The following IKBKG variants were observed in gnomAD, a reference collection of about 807,000 sequenced individuals.
IKBKG encodes inhibitor of nuclear factor kappa B kinase regulatory subunit gamma.
Under a neutral mutation model 13.7 loss-of-function variants are expected in IKBKG, and 2 were observed. The observed-to-expected ratio is 0.15, with a 90% CI of 0.06 to 0.46. The LOEUF is 0.46. Among genes scored for constraint, IKBKG ranks in the 20% least tolerant of loss-of-function variants. The pLI is 0.98. For synonymous variants in IKBKG, 22 were observed against 64.4 expected (o/e 0.34, Z 3.15); for missense variants, 53 against 150.3 (o/e 0.35, Z 3.39).
chrX:154,546,742 G>A (rs782318674), upstream of IKBKG: 8 of 1,018,847 alleles, frequency 7.9e-6, no homozygotes, highest in African/African-American at 1.9e-5. Context: ...GGCGCAGCGC[G>A]GGACAGTACG....
chrX:154,547,253 C>T, upstream of IKBKG: 9 of 681,204 alleles, frequency 1.3e-5, no homozygotes, highest in Non-Finnish European at 1.6e-5. Context: ...TGGGCTGTCC[C>T]TCGGCTCCTG....
upstream of IKBKG, chrX:154,547,208 C>G (rs2070764028): frequency 2.2e-6 from 1 of 464,885 alleles, no homozygotes; most frequent in Non-Finnish European, 2.7e-6. Context: ...TCGCGGAGGG[C>G]TCCACTTCCG....
At chrX:154,548,129 C>G (rs782334783) in intron 1 of IKBKG, 254 of 744,116 alleles carry the variant, frequency 3.4e-4, no homozygotes, top group Non-Finnish European at 3.9e-4. Flanking sequence ...TTTTGCAAGA[C>G]AACATCTGCC....
At position 154,542,121 on chromosome X, in the gene IKBKG, A is replaced by C. The variant is rs2070525901; in HGVS notation, c.-186-161A>C. On this transcript the variant is annotated intron_variant, in intron 1 of 10. Transcript: ENST00000422680. ...ACCGGGGCTTTGGGGGAGTGCCAAC[A>C]TCATCATGACACAGCAAGAATCTTA... is the stretch of plus-strand genomic sequence containing the variant. 3 of 432,218 alleles carry C rather than the reference A, an allele frequency of 6.9e-6. No individual in the cohort carries two copies. The Admixed American group carries it at 1.5e-4, about 22-fold the overall frequency. 35.6% of individuals were successfully genotyped at this position (432,218 alleles called of 1,213,427 possible).
At chrX:154,548,046 C>T (rs1022231577) in intron 1 of IKBKG, 13 of 753,635 alleles carry the variant, frequency 1.7e-5, no homozygotes, top group East Asian at 1.5e-4. Flanking sequence ...CTATCGAGGT[C>T]GTTAAATTCT....
intron 2 of IKBKG, among the ~76,000 whole-genome samples, chrX:154,552,911 G>A (rs2070973420): frequency 8.9e-6 from 1 of 111,926 alleles, no homozygotes; most frequent in South Asian, 3.7e-4. Flanking sequence ...CCCAGCCCCT[G>A]CCATTCTTCC....
chrX:154,550,505 A>G (rs920844945), intron 1 of IKBKG, among the ~76,000 whole-genome samples: 3 of 106,772 alleles, frequency 2.8e-5, no homozygotes, highest in Admixed American at 1.0e-4. Context: ...ATTGGAGTTC[A>G]AGGCATGAGA....
At chrX:154,542,425 C>T (rs1557232194), upstream of IKBKG, 3 of 1,195,145 alleles carry the variant, frequency 2.5e-6, no homozygotes, top group African/African-American at 3.5e-5. Context: ...CACTAGTCTA[C>T]AAGGCCAGAG....
At chrX:154,546,322 G>T, upstream of IKBKG, 1 of 666,337 alleles carries the variant, frequency 1.5e-6, no homozygotes, top group Non-Finnish European at 2.3e-6. Context: ...TGGTTGATGG[G>T]TTAGAAACTG....
intron 2 of IKBKG, among the ~76,000 whole-genome samples, chrX:154,553,448 C>T (rs1244346586): frequency 8.9e-6 from 1 of 112,798 alleles, no homozygotes; most frequent in Non-Finnish European, 1.9e-5. Flanking sequence ...CGATGTGTCT[C>T]CTCTTACTGT....
chrX:154,554,921 T>C (rs893682784), intron 2 of IKBKG, among the ~76,000 whole-genome samples: 16 of 111,057 alleles, frequency 1.4e-4, no homozygotes, highest in African/African-American at 5.2e-4. Context: ...GTAGTTGCTA[T>C]AGAGTTGCTA....
chrX:154,545,283 C>T (rs1557232929), upstream of IKBKG, among the ~76,000 whole-genome samples: 2 of 111,579 alleles, frequency 1.8e-5, no homozygotes, highest in East Asian at 2.8e-4. Context: ...GGTAGGCTTT[C>T]GAAATTGAGG....
At chrX:154,548,978 TTTTCTTTC>T (rs1283904729) in intron 1 of IKBKG, among the ~76,000 whole-genome samples, 2 of 108,857 alleles carry the variant, frequency 1.8e-5, no homozygotes, top group African/African-American at 3.4e-5. Context: ...TTTTATTTCT[TTTTCTTTC>T]TTTCTTTCTT....
At chrX:154,545,877 C>A, upstream of IKBKG, 5 of 597,752 alleles carry the variant, frequency 8.4e-6, no homozygotes, top group Non-Finnish European at 1.1e-5. Flanking sequence ...TGCATATGCA[C>A]ACCAGGTAGA....
chrX:154,541,264 A>G (rs782076960), exon 1 of IKBKG: 7 of 112,045 alleles, frequency 6.2e-5, no homozygotes, highest in Admixed American at 2.8e-4. Context: ...CCCACGCTCC[A>G]GGCCGTTTGT....
At chrX:154,543,869 AT>A (rs1306269568), upstream of IKBKG, among the ~76,000 whole-genome samples, 386 of 83,548 alleles carry the variant, frequency 4.6e-3, 1 homozygote, top group African/African-American at 0.011. Context: ...AATTTTTGTT[AT>A]TTTTTTTTTT....
chrX:154,542,849 T>C (rs1257968929), upstream of IKBKG, among the ~76,000 whole-genome samples: 1 of 112,125 alleles, frequency 8.9e-6, no homozygotes, highest in Admixed American at 9.4e-5. Context: ...CACGTCAGCC[T>C]GAACTCTTGC....
upstream of IKBKG, chrX:154,546,820 G>A (rs1450794410): frequency 3.4e-6 from 4 of 1,160,118 alleles, no homozygotes; most frequent in African/African-American, 3.6e-5. Context: ...CTCCGCGCTC[G>A]CAGCCCCGAA....
rs2070945561 is a variant in IKBKG, at chrX:154,551,989, C to G, written c.-14C>G. 1.9e-6 allele frequency: 2 copies of G among 1,065,776 alleles called. No individual in the cohort carries two copies. Among genetic ancestry groups the G allele is most frequent in the East Asian group, 6.7e-5 (2 of 29,984 alleles). The allele number at this position is 1,065,776 out of a possible 1,213,427, so 87.8% of individuals were successfully genotyped here. The stretch of plus-strand genomic sequence containing the variant: ...TCCCCTGCTGCCTTTCTCTTTCAGC[C>G]CTTGCCCTGTTGGATGAATAGGCAC... On this transcript the variant is annotated splice_region_variant and 5_prime_UTR_variant, in exon 2 of 10. Coordinates refer to ENST00000594239, the MANE Select transcript of IKBKG (RefSeq NM_001099857.5).
Sources: allele counts gnomAD v4.1 joint callset (sites outside exome capture counted in the v4.1 genomes callset), GRCh38; gene constraint gnomAD v4.1.1; transcripts MANE v1.5; gene names NCBI Gene and HGNC (gene_info 2026-07-23, HGNC 2026-07-21).